Variants in ANK2 observed in about 807,000 individuals in gnomAD.
ANK2 encodes ankyrin-2.
A neutral mutation model predicts 360.5 loss-of-function variants in ANK2; 83 were observed. That is an observed-to-expected ratio of 0.23 (90% confidence interval 0.19 to 0.28). The LOEUF (loss-of-function observed/expected upper bound fraction) is 0.28, where lower values mean the gene tolerates loss of function less well. Ranked by LOEUF, ANK2 falls within the 10% of genes least tolerant of loss-of-function variation. ANK2 has a pLI of 1.00. For missense variants in ANK2, 4,201 were observed against 4,795.7 expected (o/e 0.88, Z 3.66); for synonymous variants, 1,740 against 1,759.5 (o/e 0.99, Z 0.28).
intron 1 of ANK2, among the ~76,000 whole-genome samples, chr4:112,865,183 T>C (rs561655248): frequency 7.8e-4 from 118 of 151,752 alleles, no homozygotes; most frequent in African/African-American, 2.8e-3. Context: ...GTCAAAGTAA[T>C]GGAGAAAACT....
At chr4:113,232,567 C>T (rs1471894874) in intron 5 of ANK2, among the ~76,000 whole-genome samples, 2 of 152,128 alleles carry the variant, frequency 1.3e-5, no homozygotes, top group Non-Finnish European at 2.9e-5. Flanking sequence ...AAATTCTACT[C>T]ATCTCTTTTC....
intron 26 of ANK2, among the ~76,000 whole-genome samples, chr4:113,326,877 G>A (rs1027250560): frequency 6.6e-6 from 1 of 152,118 alleles, no homozygotes; most frequent in Non-Finnish European, 1.5e-5. Context: ...CAATGATGCT[G>A]CCTGTATTCC....
intron 2 of ANK2, among the ~76,000 whole-genome samples, chr4:113,177,370 G>A (rs552012996): frequency 3.1e-4 from 47 of 152,108 alleles, no homozygotes; most frequent in Admixed American, 3.9e-4. Flanking sequence ...GTGAGCCACC[G>A]CGCCCGGCCA....
In ANK2 at chr4:112,946,961, C is replaced by T. The variant is rs116285714; in HGVS notation, c.21+42447C>T. Among the ~76,000 whole-genome samples, 1,298 of 152,270 alleles carry T rather than the reference C, an allele frequency of 8.5e-3. 13 individuals are homozygous for T. Among genetic ancestry groups the T allele is most frequent in the African/African-American group, 0.029 (1,213 of 41,548 alleles). On this transcript the variant is annotated intron_variant, in intron 2 of 30. Coordinates refer to the ANK2 transcript ENST00000503271. Reference sequence around the variant, plus strand: ...AGAATAACAGCTTTTCTTAAGATCCCTACTCAACCCATATTTTCTAGACAA... The same window carrying T: ...AGAATAACAGCTTTTCTTAAGATCCTTACTCAACCCATATTTTCTAGACAA...
intron 3 of ANK2, among the ~76,000 whole-genome samples, chr4:113,197,565 C>G (rs1584611637): frequency 6.6e-6 from 1 of 152,190 alleles, no homozygotes; most frequent in East Asian, 1.9e-4. Flanking sequence ...GGACACTAGT[C>G]TAATCTGGAG....
At chr4:112,890,570 T>TTC (rs2079703180) in intron 1 of ANK2, among the ~76,000 whole-genome samples, 1 of 136,846 alleles carries the variant, frequency 7.3e-6, no homozygotes, top group African/African-American at 2.8e-5. Flanking sequence ...TTTTTTTTTT[T>TTC]TTTTTTTTTT....
intron 20 of ANK2, among the ~76,000 whole-genome samples, chr4:113,291,450 G>T (rs990727474): frequency 9.0e-6 from 1 of 111,562 alleles, no homozygotes; most frequent in African/African-American, 2.8e-5. Flanking sequence ...TTGAGGATGT[G>T]CCACACTTAG....
chr4:112,810,155 ATATATTTTTTTTTT>A, the ANK2 span, among the ~76,000 whole-genome samples: 91 of 23,306 alleles, frequency 3.9e-3, no homozygotes, highest in African/African-American at 0.018. Flanking sequence ...ATATATATAT[ATATATTTTTTTTTT>A]TTTTTTTTTT....
Position 113,341,683 on chromosome 4 carries a change from A to C in ANK2, c.3894-5A>C. 6.2e-7 allele frequency: 1 copy of C among 1,613,698 alleles called. No individual in the cohort carries two copies. The highest frequency in any genetic ancestry group is 8.5e-7 in the Non-Finnish European group (1 of 1,179,666). The stretch of plus-strand genomic sequence containing the variant: ...TTAGATAACTGACTTTATTTATTTT[A>C]ATAGGTTCTGGCTGATAGATTGTCG... On this transcript the variant is annotated splice_region_variant and splice_polypyrimidine_tract_variant and intron_variant, in intron 32 of 45. Transcript: ENST00000357077.
chr4:113,272,262 T>G (rs1286325528), intron 14 of ANK2, among the ~76,000 whole-genome samples: 1 of 152,224 alleles, frequency 6.6e-6, no homozygotes, highest in Non-Finnish European at 1.5e-5. Context: ...AGAGCTCACC[T>G]ACTTCCGGTC....
chr4:113,284,337 C>A (rs1223755863), intron 18 of ANK2, among the ~76,000 whole-genome samples: 2 of 152,150 alleles, frequency 1.3e-5, no homozygotes, highest in Non-Finnish European at 2.9e-5. Flanking sequence ...CATGTGTTTA[C>A]TCTATTAATA....
At chr4:113,016,838 C>T (rs2056776844) in intron 2 of ANK2, among the ~76,000 whole-genome samples, 1 of 152,136 alleles carries the variant, frequency 6.6e-6, no homozygotes, top group East Asian at 1.9e-4. Flanking sequence ...TTGCTGCTGC[C>T]ATTATACCCT....
chr4:112,772,800 C>A, the ANK2 span, among the ~76,000 whole-genome samples: 1 of 152,054 alleles, frequency 6.6e-6, no homozygotes, highest in Admixed American at 6.6e-5. Context: ...GCTGTTGGTG[C>A]AGTTGCTTTC....
At chr4:113,330,175 C>A in intron 26 of ANK2, 71 bp from the exon 27 acceptor site, 1 of 1,444,138 alleles carries the variant, frequency 6.9e-7, no homozygotes, top group Non-Finnish European at 9.5e-7. Context: ...TTACGAAAAA[C>A]AACTTGACAA....
At chr4:113,061,567 TACATACAC>T (rs1431450591) in intron 1 of ANK2, among the ~76,000 whole-genome samples, 1 of 152,108 alleles carries the variant, frequency 6.6e-6, no homozygotes, top group Non-Finnish European at 1.5e-5. Flanking sequence ...TTAAAAAAAT[TACATACAC>T]ACGTACACAC....
chr4:112,850,288 CTA>C, intron 1 of ANK2, among the ~76,000 whole-genome samples: 1 of 135,414 alleles, frequency 7.4e-6, no homozygotes. Flanking sequence ...ATCTATCTAT[CTA>C]TCTATCTATC....
intron 9 of ANK2, among the ~76,000 whole-genome samples, chr4:113,249,086 C>G (rs1377399154): frequency 6.6e-6 from 1 of 152,182 alleles, no homozygotes; most frequent in Non-Finnish European, 1.5e-5. Flanking sequence ...ATATAGCATA[C>G]AGTTCTGCCA....
At chr4:113,360,931 C>T in intron 39 of ANK2, 34 bp downstream of exon 39, 1 of 1,587,102 alleles carries the variant, frequency 6.3e-7, no homozygotes, top group Non-Finnish European at 8.6e-7. Flanking sequence ...TTCAACAAAA[C>T]CTGACATAGA....
chr4:113,308,275 T>C (rs1228161312), intron 23 of ANK2, among the ~76,000 whole-genome samples: 5 of 152,182 alleles, frequency 3.3e-5, no homozygotes, highest in Admixed American at 3.3e-4. Flanking sequence ...TATTTGCTCA[T>C]GTAGGGAATT....
Sources: allele counts gnomAD v4.1 joint callset (sites outside exome capture counted in the v4.1 genomes callset), GRCh38; gene constraint gnomAD v4.1.1; transcripts MANE v1.5; gene names NCBI Gene and HGNC (gene_info 2026-07-23, HGNC 2026-07-21).